Variants in FAM193A observed in about 807,000 individuals in gnomAD.
The protein encoded by FAM193A is family with sequence similarity 193 member A.
In FAM193A, 22 loss-of-function variants were observed where a neutral mutation model predicts 126.5. The ratio of observed to expected loss-of-function variants is 0.17; its 90% CI spans 0.12 to 0.25. FAM193A has a LOEUF of 0.25. Among genes scored for constraint, FAM193A ranks in the 10% least tolerant of loss-of-function variants. The pLI is 1.00. For missense variants in FAM193A, 1,675 were observed against 1,672.8 expected, an observed-to-expected ratio of 1.00 and a Z score of -0.02; for synonymous variants, 761 against 646.8, an observed-to-expected ratio of 1.18 and a Z score of -2.68.
chr4:2,726,425 C>T (rs953090011), intron 20 of FAM193A, among the ~76,000 whole-genome samples: 4 of 152,040 alleles, frequency 2.6e-5, no homozygotes, highest in Non-Finnish European at 5.9e-5. Flanking sequence ...ACCCCCTTCC[C>T]TTTCTAAAGA....
chr4:2,608,023 C>G, intron 2 of FAM193A: 1 of 1,604,208 alleles, frequency 6.2e-7, no homozygotes, highest in African/African-American at 1.3e-5. Flanking sequence ...ATGTGCACCA[C>G]GCACTTCACG....
At chr4:2,578,450 GTTT>G (rs67824037) in intron 1 of FAM193A, among the ~76,000 whole-genome samples, 1 of 149,818 alleles carries the variant, frequency 6.7e-6, no homozygotes, top group East Asian at 1.9e-4. Context: ...TTCTTGGTAG[GTTT>G]TTTTTTTCCC....
chr4:2,694,425 T>G (rs1221569582), intron 16 of FAM193A, among the ~76,000 whole-genome samples: 1 of 151,962 alleles, frequency 6.6e-6, no homozygotes, highest in Non-Finnish European at 1.5e-5. Flanking sequence ...TACGCCACCA[T>G]GCCTGGCTAA....
intron 1 of FAM193A, among the ~76,000 whole-genome samples, chr4:2,593,937 C>T (rs953182977): frequency 2.0e-5 from 3 of 151,042 alleles, no homozygotes; most frequent in Admixed American, 1.3e-4. Flanking sequence ...CATGGATTCT[C>T]ATGGTACTCG....
chr4:2,572,449 G>T (rs996802362), intron 1 of FAM193A, among the ~76,000 whole-genome samples: 11 of 152,148 alleles, frequency 7.2e-5, no homozygotes, highest in African/African-American at 2.7e-4. Context: ...GCCCCACAGT[G>T]CTCGCTGCAG....
intron 12 of FAM193A, among the ~76,000 whole-genome samples, chr4:2,671,641 G>A (rs1713797286): frequency 6.6e-6 from 1 of 152,190 alleles, no homozygotes; most frequent in Non-Finnish European, 1.5e-5. Flanking sequence ...TTTGACAATT[G>A]TGTTCAGTTT....
chr4:2,711,147 C>T (rs971928908), intron 19 of FAM193A, among the ~76,000 whole-genome samples: 6 of 151,856 alleles, frequency 4.0e-5, no homozygotes, highest in East Asian at 2.0e-4. Context: ...CCACCACGCC[C>T]GGCCACTGTG....
intron 20 of FAM193A, among the ~76,000 whole-genome samples, chr4:2,716,451 T>C (rs368985587): frequency 2.0e-5 from 3 of 150,320 alleles, no homozygotes; most frequent in East Asian, 2.1e-4. Context: ...TACAGGCCCC[T>C]ACTTAGACCT....
chr4:2,702,042 G>T (rs1294548629), intron 19 of FAM193A, among the ~76,000 whole-genome samples: 2 of 152,172 alleles, frequency 1.3e-5, no homozygotes, highest in East Asian at 3.8e-4. Flanking sequence ...AAAGTGCTGG[G>T]ATTACAGGCG....
In FAM193A at chr4:2,596,100, G is replaced by C. The variant is rs1458673701; in HGVS notation, c.272G>C (p.Gly91Ala). The C allele has an allele frequency of 4.3e-6, 3 of 701,556 alleles. No individual in the cohort carries two copies. The South Asian group carries it at 4.4e-5, about 10-fold the overall frequency. The allele number at this position is 701,556 out of a possible 1,614,324, so 43.5% of individuals were successfully genotyped here. A position where few individuals can be genotyped will look rare whatever the true frequency, so the allele number is the denominator to read the frequency against. Residue 91 changes from glycine (G) to alanine (A), a missense_variant, in exon 2 of 21, where the codon GGC (glycine) becomes GCC (alanine). This residue lies in a region of FAM193A where 1,186 missense variants were observed against 1,109.2 expected (regional missense o/e 1.07). Transcript: ENST00000637812. ...CTATTCCAGACTCCTTTTAGTTTTG[G>C]CATGAATCATAGGACACCACCCTAC... ...GGYFETPFSF[G>A]MNHRTPPYPA...
At chr4:2,578,559 ACTGT>A (rs554652710) in intron 1 of FAM193A, among the ~76,000 whole-genome samples, 11 of 151,978 alleles carry the variant, frequency 7.2e-5, no homozygotes, top group Admixed American at 2.0e-4. Context: ...TCATTCTTGT[ACTGT>A]CTAAGTACAG....
chr4:2,663,606 C>T (rs1712746963), intron 12 of FAM193A, among the ~76,000 whole-genome samples: 1 of 152,046 alleles, frequency 6.6e-6, no homozygotes, highest in Admixed American at 6.6e-5. Flanking sequence ...ATTATCTGTT[C>T]TTCTGTTAGC....
At chr4:2,637,686 A>C (rs1417191778) in intron 5 of FAM193A, among the ~76,000 whole-genome samples, 1 of 152,178 alleles carries the variant, frequency 6.6e-6, no homozygotes, top group Non-Finnish European at 1.5e-5. Flanking sequence ...GTGAGGACAC[A>C]TCCTGCAGAG....
At chr4:2,620,712 G>GGTC (rs1163742789) in intron 2 of FAM193A, among the ~76,000 whole-genome samples, 3 of 150,190 alleles carry the variant, frequency 2.0e-5, no homozygotes, top group Admixed American at 2.0e-4. Context: ...AGCCAGGGGT[G>GGTC]GTGGTGGGCT....
chr4:2,654,484 A>C (rs1002117419), intron 7 of FAM193A: 1 of 149,984 alleles, frequency 6.7e-6, no homozygotes, highest in East Asian at 1.9e-4. Flanking sequence ...GCTGTCTGAA[A>C]TTCATTCTTT....
intron 15 of FAM193A, among the ~76,000 whole-genome samples, chr4:2,691,614 C>T (rs865945524): frequency 1.3e-5 from 2 of 151,878 alleles, no homozygotes; most frequent in Admixed American, 6.6e-5. Context: ...GTAGCTGGCT[C>T]GAGGAGGCCT....
intron 13 of FAM193A, among the ~76,000 whole-genome samples, chr4:2,688,865 C>G (rs917239443): frequency 6.6e-6 from 1 of 152,236 alleles, no homozygotes; most frequent in Non-Finnish European, 1.5e-5. Flanking sequence ...CAGGAGCAGC[C>G]AGATGGCTAG....
intron 1 of FAM193A, among the ~76,000 whole-genome samples, chr4:2,561,475 G>T (rs917426350): frequency 1.4e-5 from 2 of 139,696 alleles, no homozygotes; most frequent in South Asian, 4.6e-4. Flanking sequence ...GAGCCACCAT[G>T]CCTGGCTGCT....
intron 12 of FAM193A, among the ~76,000 whole-genome samples, chr4:2,665,674 C>T (rs1713026469): frequency 1.3e-5 from 2 of 151,996 alleles, no homozygotes; most frequent in Admixed American, 6.6e-5. Context: ...TACAGGCATG[C>T]GCCACCACGC....
Sources: gnomAD v4.1 joint callset for allele counts (sites outside exome capture counted in the v4.1 genomes callset) on GRCh38, gnomAD v4.1.1 for gene constraint, gnomAD v4.1.1 regional missense constraint, MANE v1.5 for transcripts, NCBI Gene and HGNC (gene_info 2026-07-23, HGNC 2026-07-21) for gene names.